RPRD2: variants seen among roughly 807,000 people sequenced by gnomAD.
The protein encoded by RPRD2 is regulation of nuclear pre-mRNA domain-containing protein 2.
In RPRD2, 12 loss-of-function variants were observed where a neutral mutation model predicts 104.4. The ratio of observed to expected loss-of-function variants is 0.11; its 90% CI spans 0.07 to 0.19. The LOEUF (loss-of-function observed/expected upper bound fraction) is 0.19. RPRD2 is among the 10% of genes least tolerant of loss of function. The pLI is 1.00. For missense variants in RPRD2, 1,543 were observed against 1,790.1 expected (o/e 0.86, Z 2.49); for synonymous variants, 714 against 684.9 (o/e 1.04, Z -0.66).
intron 1 of RPRD2, among the ~76,000 whole-genome samples, chr1:150,411,371 G>T (rs899786640): frequency 6.8e-5 from 10 of 146,462 alleles, no homozygotes; most frequent in African/African-American, 1.8e-4. Context: ...TGAAGCAAGA[G>T]AATTGCTTGA....
chr1:150,393,466 A>C (rs1304536998), intron 1 of RPRD2, among the ~76,000 whole-genome samples: 1 of 151,706 alleles, frequency 6.6e-6, no homozygotes, highest in Non-Finnish European at 1.5e-5. Flanking sequence ...AAAAAAAAAA[A>C]AAAAAAAAAA....
Position 150,476,111 on chromosome 1 carries a change from C to T in RPRD2, c.*2777C>T, listed in dbSNP as rs1318785477. On this transcript the variant is annotated 3_prime_UTR_variant, in exon 11 of 11. Coordinates refer to ENST00000369068, the MANE Select transcript of RPRD2 (RefSeq NM_015203.5). ...CTTAGATGAGAGCTCTCTCCCTGCT[C>T]CCCTCTACCCTCTCAAAAGTTGAGA... 1 of 152,158 alleles carries T rather than the reference C, an allele frequency of 6.6e-6. No individual in the cohort carries two copies. The highest frequency in any genetic ancestry group is 2.4e-5 in the African/African-American group (1 of 41,422). The allele number at this position is 152,158 out of a possible 1,614,324, so 9.4% of individuals were successfully genotyped here.
intron 1 of RPRD2, among the ~76,000 whole-genome samples, chr1:150,396,392 A>G (rs924081389): frequency 2.0e-5 from 3 of 151,914 alleles, no homozygotes; most frequent in Non-Finnish European, 4.4e-5. Flanking sequence ...TTTTTATTAC[A>G]TTTGCCTTTG....
rs888972354 is a variant in RPRD2 at position 150,464,573 on chromosome 1, C to T, written c.1458C>T (p.Pro486=). Residue 486 remains proline, a synonymous_variant, in exon 10 of 11, where the codon CCC becomes CCT. Transcript: ENST00000369068. ...SRPSPGTPTS[P]SNLTSGLKTP... is the part of the protein sequence containing the mutation. Reference sequence around the variant, plus strand: ...CTTCTCCAGGAACGCCCACCAGCCCCAGCAACCTCACCAGTGGCCTGAAAA... The same window carrying T: ...CTTCTCCAGGAACGCCCACCAGCCCTAGCAACCTCACCAGTGGCCTGAAAA... 1 of 1,607,354 alleles carries T rather than the reference C, an allele frequency of 6.2e-7. No homozygotes were observed. The highest frequency in any genetic ancestry group is 8.5e-7 in the Non-Finnish European group (1 of 1,176,736).
rs587744806 is a variant in RPRD2 at position 150,471,993 on chromosome 1, C to T, written c.3045C>T (p.Asn1015=). Residue 1015 remains asparagine, a synonymous_variant, in exon 11 of 11, where the codon AAC becomes AAT. Transcript: ENST00000369068. The surrounding 1 kb of genome is among the most constrained non-coding windows in gnomAD (Gnocchi z 5.3). ...STIEFKNMLK[N]ASRKPSDDKH... ...TTGAATTTAAGAATATGCTTAAAAA[C>T]GCCTCACGTAAGCCCTCAGATGATA... The T allele has an allele frequency of 3.2e-5, 51 of 1,613,968 alleles. No individual in the cohort carries two copies. Among genetic ancestry groups the T allele is most frequent in the Middle Eastern group, 1.6e-4 (1 of 6,062 alleles).
At chr1:150,368,392 A>G (rs1400081255) in intron 1 of RPRD2, among the ~76,000 whole-genome samples, 1 of 151,376 alleles carries the variant, frequency 6.6e-6, no homozygotes, top group Non-Finnish European at 1.5e-5. Flanking sequence ...TCCCAGGTCA[A>G]AGTGATTCTC....
intron 1 of RPRD2, among the ~76,000 whole-genome samples, chr1:150,368,653 A>G (rs1402877600): frequency 6.6e-6 from 1 of 151,894 alleles, no homozygotes; most frequent in Non-Finnish European, 1.5e-5. Context: ...TAGTAGACGC[A>G]GGGTTTCACC....
At chr1:150,429,626 C>G (rs959774829) in intron 2 of RPRD2, among the ~76,000 whole-genome samples, 2 of 152,172 alleles carry the variant, frequency 1.3e-5, no homozygotes, top group Admixed American at 6.6e-5. Context: ...AACTACGAGG[C>G]CTTTCTCAAA....
intron 1 of RPRD2, among the ~76,000 whole-genome samples, chr1:150,397,286 C>T (rs868911571): frequency 1.3e-5 from 2 of 152,134 alleles, no homozygotes; most frequent in Non-Finnish European, 2.9e-5. Flanking sequence ...AACAGCAAGT[C>T]TTATTGATTC....
At chr1:150,462,442 T>C (rs1458434199) in intron 9 of RPRD2, among the ~76,000 whole-genome samples, 1 of 146,516 alleles carries the variant, frequency 6.8e-6, no homozygotes, top group Non-Finnish European at 1.5e-5. Context: ...GAGACTCTTG[T>C]CTCAAAAAAA....
chr1:150,380,276 A>T (rs192870541), intron 1 of RPRD2, among the ~76,000 whole-genome samples: 1 of 152,294 alleles, frequency 6.6e-6, no homozygotes, highest in East Asian at 1.9e-4. Flanking sequence ...ATTTGCTTTG[A>T]TGTCCTTGTC....
At chr1:150,439,152 C>T (rs913405769) in intron 2 of RPRD2, among the ~76,000 whole-genome samples, 1 of 152,116 alleles carries the variant, frequency 6.6e-6, no homozygotes, top group Admixed American at 6.6e-5. Flanking sequence ...CATTATAGAA[C>T]ACAGAAAATT....
At chr1:150,437,953 G>A (rs902115881) in intron 2 of RPRD2, among the ~76,000 whole-genome samples, 5 of 145,460 alleles carry the variant, frequency 3.4e-5, no homozygotes, top group Non-Finnish European at 3.0e-5. Flanking sequence ...TATTTTTTAT[G>A]CTGAGATTCT....
intron 7 of RPRD2, among the ~76,000 whole-genome samples, chr1:150,456,629 A>T (rs1353527663): frequency 1.8e-5 from 1 of 56,838 alleles, no homozygotes; most frequent in Non-Finnish European, 4.2e-5. Context: ...ATTTTATTTA[A>T]AAAAAAAAAA....
intron 2 of RPRD2, among the ~76,000 whole-genome samples, chr1:150,425,717 T>C (rs1553890443): frequency 1.3e-5 from 2 of 152,066 alleles, no homozygotes; most frequent in Non-Finnish European, 2.9e-5. Context: ...ATATATGATA[T>C]AATTAGGGGC....
intron 1 of RPRD2, among the ~76,000 whole-genome samples, chr1:150,405,396 CAA>C (rs1229891503): frequency 3.1e-4 from 44 of 139,962 alleles, no homozygotes; most frequent in Non-Finnish European, 6.0e-4. Context: ...TTAGTAATGA[CAA>C]AATTTTTTAT....
chr1:150,439,627 C>CTTTT (rs66814229), intron 2 of RPRD2, among the ~76,000 whole-genome samples: 3 of 142,286 alleles, frequency 2.1e-5, no homozygotes, highest in East Asian at 2.1e-4. Flanking sequence ...TTTGACATAG[C>CTTTT]TTTTTTTTTT....
At chr1:150,365,404 A>G (rs1560137550) in intron 1 of RPRD2, among the ~76,000 whole-genome samples, 1 of 152,124 alleles carries the variant, frequency 6.6e-6, no homozygotes, top group Admixed American at 6.6e-5. Context: ...ATGTGTAGTA[A>G]GGAGAGCCTT....
Position 150,444,337 on chromosome 1 carries a change from G to A in RPRD2, c.654G>A (p.Arg218=), listed in dbSNP as rs782145902. 28 of 1,613,744 alleles carry A rather than the reference G, an allele frequency of 1.7e-5. No homozygotes were observed. In the African/African-American group the frequency reaches 3.2e-4, roughly 18 times the overall value. The stretch of plus-strand genomic sequence containing the variant: ...AGGAAAAGCAGTTGTCAACTATGAG[G>A]GTGGATGTGTGCAGCACAGAAACTC... ...ELKEKQLSTM[R]VDVCSTETLK... is the part of the protein sequence containing the mutation. Residue 218 remains arginine (R), a synonymous_variant, in exon 6 of 11, where the codon AGG becomes AGA. Coordinates refer to ENST00000369068, the MANE Select transcript of RPRD2 (RefSeq NM_015203.5).
Sources: allele counts gnomAD v4.1 joint callset (sites outside exome capture counted in the v4.1 genomes callset), GRCh38; gene constraint gnomAD v4.1.1; non-coding constraint Gnocchi (gnomAD v3.1); transcripts MANE v1.5; gene names NCBI Gene and HGNC (gene_info 2026-07-23, HGNC 2026-07-21).